Variants in ZNF765 observed in about 807,000 individuals in gnomAD.
ZNF765 encodes zinc finger protein 765.
A neutral mutation model predicts 44.7 loss-of-function variants in ZNF765; 37 were observed. The observed-to-expected ratio is 0.83, with a 90% confidence interval of 0.64 to 1.09. The LOEUF (loss-of-function observed/expected upper bound fraction) is 1.09, where lower values mean the gene tolerates loss of function less well. Among genes scored for constraint, ZNF765 ranks in the 50% least tolerant of loss-of-function variants. The pLI is 0.00. For missense variants in ZNF765, 594 were observed against 626.1 expected, an observed-to-expected ratio of 0.95 and a Z score of 0.55; for synonymous variants, 201 against 213.7, an observed-to-expected ratio of 0.94 and a Z score of 0.52.
At chr19:53,420,706 G>C (rs1376402203) in intron 3 of ZNF765, among the ~76,000 whole-genome samples, 2 of 152,126 alleles carry the variant, frequency 1.3e-5, no homozygotes, top group Non-Finnish European at 2.9e-5. Context: ...TTGACTCAAG[G>C]TTTAATGGAT....
downstream of ZNF765, among the ~76,000 whole-genome samples, chr19:53,412,688 T>G (rs995603385): frequency 6.6e-6 from 1 of 152,160 alleles, no homozygotes; most frequent in Non-Finnish European, 1.5e-5. Flanking sequence ...ACCCTGCTAA[T>G]TTTTGTATTT....
chr19:53,416,074 C>G (rs2085873189), downstream of ZNF765, among the ~76,000 whole-genome samples: 1 of 152,074 alleles, frequency 6.6e-6, no homozygotes, highest in Non-Finnish European at 1.5e-5. Context: ...CCTGCCTCAG[C>G]CCCCCGAGTA....
intron 3 of ZNF765, among the ~76,000 whole-genome samples, chr19:53,418,073 G>A (rs1213843223): frequency 6.6e-6 from 1 of 152,106 alleles, no homozygotes; most frequent in Non-Finnish European, 1.5e-5. Flanking sequence ...ATGTTTTCTT[G>A]GTAATTATAA....
In ZNF765 at chr19:53,410,353, T is replaced by A; in HGVS notation, c.*1226T>A. 2.9e-6 allele frequency: 1 copy of A among 339,292 alleles called. No individual in the cohort carries two copies. 21.0% of individuals were successfully genotyped at this position (339,292 alleles called of 1,614,324 possible). ...AGAAAGCTTACATATGTGAAGAATG[T>A]CACCAAGTTTTCAGTCACACTCAAA... On this transcript the variant is annotated 3_prime_UTR_variant, in exon 4 of 4. Coordinates refer to ENST00000396408, the MANE Select transcript of ZNF765 (RefSeq NM_001040185.3).
At chr19:53,419,224 C>A (rs950118307) in intron 3 of ZNF765, among the ~76,000 whole-genome samples, 1 of 152,142 alleles carries the variant, frequency 6.6e-6, no homozygotes, top group East Asian at 1.9e-4. Context: ...CTACTTTACA[C>A]AAATCATAGA....
At chr19:53,421,841 AT>A (rs2147108521) in intron 3 of ZNF765, among the ~76,000 whole-genome samples, 1 of 152,244 alleles carries the variant, frequency 6.6e-6, no homozygotes, top group East Asian at 1.9e-4. Flanking sequence ...ACCCTACTTT[AT>A]TTTATGATGC....
At chr19:53,397,283 A>G (rs1482737749) in intron 1 of ZNF765, among the ~76,000 whole-genome samples, 1 of 152,190 alleles carries the variant, frequency 6.6e-6, no homozygotes, top group East Asian at 1.9e-4. Context: ...GGCATTTCTC[A>G]TTTTTGTGGC....
Position 53,409,851 on chromosome 19 carries a change from C to A in ZNF765, c.*724C>A. 3 of 670,492 alleles carry A rather than the reference C, an allele frequency of 4.5e-6. No individual in the cohort carries two copies. Among genetic ancestry groups the A allele is most frequent in the Non-Finnish European group, 8.5e-6 (3 of 351,306 alleles). 41.5% of individuals were successfully genotyped at this position (670,492 alleles called of 1,614,324 possible). Reference sequence around the variant, plus strand: ...CTTACGCACCATCGTAGACTTCATACTGGAGAGGTACCTTACAAGGATAAT... The same window carrying A: ...CTTACGCACCATCGTAGACTTCATAATGGAGAGGTACCTTACAAGGATAAT... On this transcript the variant is annotated 3_prime_UTR_variant, in exon 4 of 4. Transcript: ENST00000396408.
At position 53,411,030 on chromosome 19, in the gene ZNF765, CCAT is replaced by C. The variant is rs1446247601; in HGVS notation, c.*1906_*1908del. 2 of 315,858 alleles carry C rather than the reference CCAT, an allele frequency of 6.3e-6. No homozygotes were observed. Among genetic ancestry groups the C allele is most frequent in the African/African-American group, 4.4e-5 (2 of 45,454 alleles). 19.6% of individuals were successfully genotyped at this position (315,858 alleles called of 1,614,324 possible). A position where few individuals can be genotyped will look rare whatever the true frequency, so the allele number is the denominator to read the frequency against. ...TTCCAAATACAATGTGTATAGCAAACCATCAAGCATTAATTGACACTAGAGTCA... is the reference window on the plus strand; with the variant it reads ...TTCCAAATACAATGTGTATAGCAAACCAAGCATTAATTGACACTAGAGTCA... On this transcript the variant is annotated 3_prime_UTR_variant, in exon 4 of 4. Coordinates refer to ENST00000396408, the MANE Select transcript of ZNF765 (RefSeq NM_001040185.3).
At chr19:53,405,945 AT>A (rs2085770867) in intron 3 of ZNF765, among the ~76,000 whole-genome samples, 2 of 107,794 alleles carry the variant, frequency 1.9e-5, no homozygotes, top group Admixed American at 9.5e-5. Context: ...ATATATATAT[AT>A]ATATAAAATT....
downstream of ZNF765, chr19:53,413,151 C>G (rs2085846460): frequency 3.8e-6 from 2 of 531,812 alleles, no homozygotes; most frequent in Non-Finnish European, 7.2e-6. Flanking sequence ...TTCTCTTCCT[C>G]TCTCCCCTTG....
At chr19:53,406,561 TG>T (rs1262584204) in intron 3 of ZNF765, among the ~76,000 whole-genome samples, 1 of 152,200 alleles carries the variant, frequency 6.6e-6, no homozygotes, top group Admixed American at 6.5e-5. Flanking sequence ...TTTTTATGAT[TG>T]TACATGAGGC....
downstream of ZNF765, among the ~76,000 whole-genome samples, chr19:53,412,680 CCTG>C (rs756861738): frequency 6.6e-6 from 1 of 151,886 alleles, no homozygotes; most frequent in Non-Finnish European, 1.5e-5. Context: ...GTCACCACAC[CCTG>C]CTAATTTTTG....
chr19:53,421,024 C>T lies in ZNF765; in HGVS notation c.143-2038C>T, dbSNP rs143655209. On this transcript the variant is annotated intron_variant, in intron 3 of 3. Coordinates refer to the ZNF765 transcript ENST00000594030. ...AAGAGGAAGGCATCTGTCTCCAGCT[C>T]ATCCCTGGGAATGGAATGTCTCAGT... Among the ~76,000 whole-genome samples the T allele has an allele frequency of 6.4e-3, 973 of 152,238 alleles. 11 individuals are homozygous for T. The highest frequency in any genetic ancestry group is 0.022 in the African/African-American group (915 of 41,524).
At chr19:53,419,652 T>C (rs1482866532) in intron 3 of ZNF765, among the ~76,000 whole-genome samples, 7 of 152,188 alleles carry the variant, frequency 4.6e-5, no homozygotes, top group African/African-American at 1.4e-4. Context: ...GATTGAATCT[T>C]TCTACAATGT....
downstream of ZNF765, among the ~76,000 whole-genome samples, chr19:53,412,477 TG>T (rs1371738808): frequency 6.6e-6 from 1 of 152,202 alleles, no homozygotes; most frequent in Non-Finnish European, 1.5e-5. Flanking sequence ...GAGAAAATTG[TG>T]CATGAATTTC....
chr19:53,399,441 GC>G (rs1209433827), intron 2 of ZNF765, among the ~76,000 whole-genome samples: 2 of 151,960 alleles, frequency 1.3e-5, no homozygotes, highest in Non-Finnish European at 2.9e-5. Context: ...AGGCGTCAGA[GC>G]AAGTCTCATA....
At position 53,410,349 on chromosome 19, in the gene ZNF765, A is replaced by C. The variant is rs2085822352; in HGVS notation, c.*1222A>C. 2 of 341,034 alleles carry C rather than the reference A, an allele frequency of 5.9e-6. No individual in the cohort carries two copies. Among genetic ancestry groups the C allele is most frequent in the Non-Finnish European group, 1.2e-5 (2 of 168,800 alleles). The allele number at this position is 341,034 out of a possible 1,614,324, so 21.1% of individuals were successfully genotyped here. On this transcript the variant is annotated 3_prime_UTR_variant, in exon 4 of 4. Transcript: ENST00000396408. ...GGAGAGAAAGCTTACATATGTGAAG[A>C]ATGTCACCAAGTTTTCAGTCACACT... is the stretch of plus-strand genomic sequence containing the variant.
intron 3 of ZNF765, among the ~76,000 whole-genome samples, chr19:53,404,517 A>G (rs1408103641): frequency 6.6e-6 from 1 of 151,848 alleles, no homozygotes; most frequent in Non-Finnish European, 1.5e-5. Flanking sequence ...CGGTGGTGCG[A>G]TCTTGGCTAA....
Sources: gnomAD v4.1 joint callset for allele counts (sites outside exome capture counted in the v4.1 genomes callset) on GRCh38, gnomAD v4.1.1 for gene constraint, MANE v1.5 for transcripts, NCBI Gene and HGNC (gene_info 2026-07-23, HGNC 2026-07-21) for gene names.